Variants in RAPGEF3 observed in about 807,000 individuals in gnomAD.
The protein encoded by RAPGEF3 is 9330170P05Rik.
RAPGEF3 carries 103 observed loss-of-function variants against 129.8 expected under a neutral mutation model. The ratio of observed to expected loss-of-function variants is 0.79; its 90% confidence interval spans 0.68 to 0.93. RAPGEF3 has a LOEUF of 0.93. Ranked by LOEUF, RAPGEF3 falls within the 40% of genes least tolerant of loss-of-function variation. The pLI, the probability that RAPGEF3 is intolerant of heterozygous loss-of-function variation, is 0.00. For missense variants in RAPGEF3, 1,117 were observed against 1,207.4 expected (o/e 0.93, Z 1.11); for synonymous variants, 436 against 482.6 (o/e 0.90, Z 1.26).
Position 47,740,908 on chromosome 12 carries a change from C to A in RAPGEF3, c.2049+7G>T. The stretch of plus-strand genomic sequence containing the variant: ...CTGCTCTCCTCCCCCAGCTCTGCCT[C>A]CCATACCTGGTGGATACTGTTGAAG... On this transcript the variant is annotated splice_region_variant and intron_variant, in intron 20 of 27. Coordinates refer to ENST00000449771, the MANE Select transcript of RAPGEF3 (RefSeq NM_001098531.4). The A allele has an allele frequency of 6.2e-7, 1 of 1,614,028 alleles. No homozygotes were observed. The highest frequency in any genetic ancestry group is 1.1e-5 in the South Asian group (1 of 91,082).
At position 47,735,621 on chromosome 12, in the gene RAPGEF3, G is replaced by A. The variant is rs1940774794; in HGVS notation, c.*1946C>T. On this transcript the variant is annotated 3_prime_UTR_variant, in exon 28 of 28. Transcript: ENST00000449771. The stretch of plus-strand genomic sequence containing the variant: ...GGGTGGCTGCAGGGTGGTCTGGACT[G>A]TAAAGCTGATGGTCCAAGGAGGAGG... 6.6e-6 allele frequency: 1 copy of A among 152,400 alleles called. No homozygotes were observed. The highest frequency in any genetic ancestry group is 1.5e-5 in the Non-Finnish European group (1 of 68,176). The allele number at this position is 152,400 out of a possible 1,614,324, so 9.4% of individuals were successfully genotyped here. A position where few individuals can be genotyped will look rare whatever the true frequency, so the allele number is the denominator to read the frequency against.
chr12:47,740,143 G>T lies in RAPGEF3; in HGVS notation c.2371C>A (p.Leu791Met). The change falls in exon 23 of 28, where the codon CTG becomes ATG. Residue 791 changes from leucine (L) to methionine (M), a missense_variant and splice_region_variant. Physicochemically the swap from Leu to Met is conservative, Grantham distance 15. This residue lies in a region of RAPGEF3 where 643 missense variants were observed against 673.4 expected (regional missense o/e 0.95). Transcript: ENST00000449771. ...RKLYSALERL[L>M]DPSWNHRVYR... ...GCCGGGCAGGGTGGAGCACTCACCA[G>T]CAGCCTCTCGAGGGCGGAGTACAGC... 6.2e-7 allele frequency: 1 copy of T among 1,612,568 alleles called. No individual in the cohort carries two copies. The highest frequency in any genetic ancestry group is 8.5e-7 in the Non-Finnish European group (1 of 1,179,550).
At position 47,734,443 on chromosome 12, in the gene RAPGEF3, T is replaced by C. The variant is rs546671952; in HGVS notation, c.*3124A>G. The C allele has an allele frequency of 2.4e-4, 36 of 152,314 alleles. No homozygotes were observed. Among genetic ancestry groups the C allele is most frequent in the African/African-American group, 7.7e-4 (32 of 41,554 alleles). The allele number at this position is 152,314 out of a possible 1,614,324, so 9.4% of individuals were successfully genotyped here. A position where few individuals can be genotyped will look rare whatever the true frequency, so the allele number is the denominator to read the frequency against. ...AATGTTGGGATTCAGAGAGCTGTCA[T>C]GGGGAGTGCCGGGGGCATGGGGAAA... On this transcript the variant is annotated 3_prime_UTR_variant, in exon 28 of 28. Coordinates refer to ENST00000449771, the MANE Select transcript of RAPGEF3 (RefSeq NM_001098531.4).
At chr12:47,755,257 C>T (rs1448214903) in intron 2 of RAPGEF3, among the ~76,000 whole-genome samples, 1 of 152,160 alleles carries the variant, frequency 6.6e-6, no homozygotes, top group Non-Finnish European at 1.5e-5. Context: ...TTTGTTTTCA[C>T]ATCTATAAAA....
intron 2 of RAPGEF3, among the ~76,000 whole-genome samples, chr12:47,753,648 G>A (rs1349083951): frequency 6.6e-6 from 1 of 152,250 alleles, no homozygotes; most frequent in Non-Finnish European, 1.5e-5. Flanking sequence ...AGGAGCCAGG[G>A]AAGGGAGGAA....
intron 18 of RAPGEF3, chr12:47,742,353 G>C (rs117229302): frequency 3.3e-5 from 5 of 152,272 alleles, no homozygotes; most frequent in African/African-American, 1.2e-4. Flanking sequence ...CTGGCACATA[G>C]TAGGGTCTCA....
Position 47,751,479 on chromosome 12 carries a change from G to A in RAPGEF3, c.422C>T (p.Ala141Val). 1.9e-6 allele frequency: 3 copies of A among 1,614,202 alleles called. No individual in the cohort carries two copies. The change falls in exon 5 of 28, where the codon GCC becomes GTC. Residue 141 changes from alanine (A) to valine (V), a missense_variant. By Grantham distance (64) the Ala-to-Val change is moderately conservative (BLOSUM62 0). Around this residue, in one of 3 missense-constraint regions of RAPGEF3, gnomAD observed 367 missense variants for 373.4 expected, o/e 0.98. Transcript: ENST00000449771. ...SGRELVDGIL[A>V]LGLGVHSRSQ... ...CCGGGAATGGACCCCAAGTCCCAGGGCCAAGATCCCATCCACCAGCTCCCG... is the reference window on the plus strand; with the variant it reads ...CCGGGAATGGACCCCAAGTCCCAGGACCAAGATCCCATCCACCAGCTCCCG...
intron 16 of RAPGEF3, 164 bp downstream of exon 16, chr12:47,746,696 G>A (rs931022778): frequency 6.9e-6 from 6 of 870,634 alleles, no homozygotes; most frequent in Admixed American, 2.0e-5. Flanking sequence ...CTGGCCCAGG[G>A]CACCACATGC....
chr12:47,751,266 G>T, intron 5 of RAPGEF3, 50 bp from the exon 6 acceptor site: 1 of 1,548,132 alleles, frequency 6.5e-7, no homozygotes, highest in Non-Finnish European at 8.7e-7. Flanking sequence ...TTGAGGCTAT[G>T]TGGGTATGAA....
chr12:47,739,226 G>T lies in RAPGEF3; in HGVS notation c.2378C>A (p.Pro793His). 6.2e-7 allele frequency: 1 copy of T among 1,608,678 alleles called. No homozygotes were observed. Among genetic ancestry groups the T allele is most frequent in the Non-Finnish European group, 8.5e-7 (1 of 1,175,456 alleles). The change falls in exon 24 of 28, where the codon CCC becomes CAC. Residue 793 changes from proline (P) to histidine (H), a missense_variant. Pro to His is a moderately conservative substitution (Grantham distance 77, BLOSUM62 -2). Around this residue, in one of 3 missense-constraint regions of RAPGEF3, gnomAD observed 643 missense variants for 673.4 expected, o/e 0.95. Coordinates refer to ENST00000449771, the MANE Select transcript of RAPGEF3 (RefSeq NM_001098531.4). Reference sequence around the variant, plus strand: ...TCGGTATACCCGGTGGTTCCATGAGGGATCCTAGGGGAAGAAGCCACACTG... The same window carrying T: ...TCGGTATACCCGGTGGTTCCATGAGTGATCCTAGGGGAAGAAGCCACACTG... ...LYSALERLLD[P>H]SWNHRVYRLA...
Position 47,735,073 on chromosome 12 carries a change from A to ATG in RAPGEF3, c.*2492_*2493dup, listed in dbSNP as rs1940757883. 1 of 152,310 alleles carries ATG rather than the reference A, an allele frequency of 6.6e-6. No individual in the cohort carries two copies. The highest frequency in any genetic ancestry group is 1.5e-5 in the Non-Finnish European group (1 of 68,200). The allele number at this position is 152,310 out of a possible 1,614,324, so 9.4% of individuals were successfully genotyped here. On this transcript the variant is annotated 3_prime_UTR_variant, in exon 28 of 28. Transcript: ENST00000449771. ...GAGGGGAAGGAGGAAAGGAGGGGGG[A>ATG]TGTGTGTGTAACAATGACCTCCCTC...
intron 25 of RAPGEF3, 45 bp from the exon 26 acceptor site, chr12:47,738,292 C>G (rs1262678456): frequency 7.5e-6 from 12 of 1,605,238 alleles, no homozygotes; most frequent in Non-Finnish European, 1.0e-5. Flanking sequence ...AGGGAGAAAC[C>G]CTGTCCTGCC....
intron 7 of RAPGEF3, 79 bp from the exon 8 acceptor site, chr12:47,750,069 G>A: frequency 6.5e-7 from 1 of 1,528,244 alleles, no homozygotes; most frequent in Non-Finnish European, 9.1e-7. Context: ...GGTGTGGTTA[G>A]GTCCAAAGAC....
chr12:47,742,877 G>T (rs1941239142), intron 18 of RAPGEF3, among the ~76,000 whole-genome samples: 1 of 152,164 alleles, frequency 6.6e-6, no homozygotes, highest in African/African-American at 2.4e-5. Flanking sequence ...ACCTGCTGTG[G>T]TATCTCCAGC....
At chr12:47,741,198 G>T in intron 19 of RAPGEF3, 158 bp from the exon 20 acceptor site, 3 of 966,870 alleles carry the variant, frequency 3.1e-6, no homozygotes, top group Non-Finnish European at 4.5e-6. Context: ...TATAGCAGCT[G>T]GAGGATAGGG....
rs1388624265 is a variant in RAPGEF3 at position 47,740,298 on chromosome 12, C to T, written c.2322+7G>A. The T allele has an allele frequency of 1.9e-6, 3 of 1,613,910 alleles. No homozygotes were observed. Among genetic ancestry groups the T allele is most frequent in the East Asian group, 4.5e-5 (2 of 44,892 alleles). On this transcript the variant is annotated splice_region_variant and intron_variant, in intron 22 of 27. Coordinates refer to ENST00000449771, the MANE Select transcript of RAPGEF3 (RefSeq NM_001098531.4). ...CCTCAGGAGGGGGCCCTCCAGACCA[C>T]ACTTACCTCCCAGGTGTGGGCTAGG... is the stretch of plus-strand genomic sequence containing the variant.
chr12:47,739,511 C>T lies in RAPGEF3; in HGVS notation c.2374-281G>A, dbSNP rs559562610. On this transcript the variant is annotated intron_variant, in intron 23 of 27. Transcript: ENST00000449771. Reference sequence around the variant, plus strand: ...TCTCTGTCCCTTTCTATCCCTGTCTCTTTCTGTGTCCCTCCCTCTCTCTCT... The same window carrying T: ...TCTCTGTCCCTTTCTATCCCTGTCTTTTTCTGTGTCCCTCCCTCTCTCTCT... 4.7e-6 allele frequency: 3 copies of T among 637,366 alleles called. No individual in the cohort carries two copies. The South Asian group carries it at 4.9e-5, about 10-fold the overall frequency. The allele number at this position is 637,366 out of a possible 1,614,324, so 39.5% of individuals were successfully genotyped here.
rs536012749 is a variant in RAPGEF3 at position 47,751,802 on chromosome 12, C to A, written c.301G>T (p.Gly101Trp). The change falls in exon 4 of 28, where the codon GGG (glycine) becomes TGG (tryptophan). Residue 101 changes from glycine to tryptophan, a missense_variant. Physicochemically the swap from Gly to Trp is radical, Grantham distance 184. Around this residue, in one of 3 missense-constraint regions of RAPGEF3, gnomAD observed 367 missense variants for 373.4 expected, o/e 0.98. Transcript: ENST00000449771. ...QASTERVLRAGRQLHRHLLAT... is the reference protein window; with the variant it reads ...QASTERVLRAWRQLHRHLLAT... ...AGCAGATGCCGATGCAGCTGCCTCC[C>A]AGCCCTGAGCACCCGCTCTGTGGAG... 12 of 1,614,188 alleles carry A rather than the reference C, an allele frequency of 7.4e-6. No individual in the cohort carries two copies. Among genetic ancestry groups the A allele is most frequent in the African/African-American group, 4.0e-5 (3 of 75,064 alleles).
chr12:47,740,681 C>A lies in RAPGEF3; in HGVS notation c.2192G>T (p.Arg731Leu). 6.2e-7 allele frequency: 1 copy of A among 1,613,762 alleles called. No individual in the cohort carries two copies. The highest frequency in any genetic ancestry group is 8.5e-7 in the Non-Finnish European group (1 of 1,179,948). Residue 731 changes from arginine to leucine, a missense_variant, in exon 21 of 28, where the codon CGG becomes CTG. By Grantham distance (102) the Arg-to-Leu change is moderately radical (BLOSUM62 -2). Around this residue, in one of 3 missense-constraint regions of RAPGEF3, gnomAD observed 643 missense variants for 673.4 expected, o/e 0.95. Coordinates refer to ENST00000449771, the MANE Select transcript of RAPGEF3 (RefSeq NM_001098531.4). The part of the protein sequence containing the change: ...ELCLCPVPGP[R>L]AQLLRKFIKL... Reference sequence around the variant, plus strand: ...AATGAACTTCCTGAGCAGCTGGGCCCGGGGGCCGGGCACGGGGCAGAGACA... The same window carrying A: ...AATGAACTTCCTGAGCAGCTGGGCCAGGGGGCCGGGCACGGGGCAGAGACA...
Sources: gnomAD v4.1 joint callset for allele counts (sites outside exome capture counted in the v4.1 genomes callset) on GRCh38, gnomAD v4.1.1 for gene constraint, gnomAD v4.1.1 regional missense constraint, MANE v1.5 for transcripts, NCBI Gene and HGNC (gene_info 2026-07-23, HGNC 2026-07-21) for gene names.